SMOC1: variants seen among roughly 807,000 people sequenced by gnomAD.
SMOC1 encodes SPARC related modular calcium binding 1, also known as SPARC-related modular calcium-binding protein 1.
In SMOC1, 22 loss-of-function variants were observed where a neutral mutation model predicts 56.3. The observed-to-expected ratio is 0.39, with a 90% CI of 0.28 to 0.56. SMOC1 has a LOEUF of 0.56. Ranked by LOEUF, SMOC1 falls within the 20% of genes least tolerant of loss-of-function variation. The pLI, the probability that SMOC1 is intolerant of heterozygous loss-of-function variation, is 0.61. For synonymous variants in SMOC1, 193 were observed against 215.0 expected (o/e 0.90, Z 0.89); for missense variants, 509 against 565.4 (o/e 0.90, Z 1.01).
At chr14:70,008,677 C>T (rs1393139811) in intron 7 of SMOC1, among the ~76,000 whole-genome samples, 4 of 152,194 alleles carry the variant, frequency 2.6e-5, no homozygotes, top group African/African-American at 7.2e-5. Context: ...CTCTTGCTTT[C>T]GGTCTGATTT....
intron 1 of SMOC1, among the ~76,000 whole-genome samples, chr14:69,929,704 T>C (rs573334324): frequency 5.9e-5 from 9 of 152,106 alleles, no homozygotes; most frequent in Non-Finnish European, 7.4e-5. Flanking sequence ...AAGGGAGGGA[T>C]ATGATCTCCC....
chr14:70,011,466 C>CCT lies in SMOC1; in HGVS notation c.858-19_858-18insCT. On this transcript the variant is annotated intron_variant, in intron 8 of 11. Coordinates refer to ENST00000361956, the MANE Select transcript of SMOC1 (RefSeq NM_001034852.3). ...GTTGCCAGCCCCTCCCAACCCCCCC[C>CCT]ATATCTCTCTTTTCCCAGCTACGTG... 2 of 1,561,722 alleles carry CCT rather than the reference C, an allele frequency of 1.3e-6. No homozygotes were observed. The highest frequency in any genetic ancestry group is 8.8e-7 in the Non-Finnish European group (1 of 1,133,454).
rs914826146 is a variant in SMOC1, at chr14:70,021,772, G to A, written c.1047-1431G>A. 6.6e-5 allele frequency among the ~76,000 whole-genome samples: 10 copies of A among 152,320 alleles called. No homozygotes were observed. In the South Asian group the frequency reaches 2.1e-3, roughly 32 times the overall value. On this transcript the variant is annotated intron_variant, in intron 10 of 11. Transcript: ENST00000361956. ...AACTTGGACGTTACTTGGTGGGGTGGAAGAGGAGGGAGTTTGCTGGCTTGT... is the reference window on the plus strand; with the variant it reads ...AACTTGGACGTTACTTGGTGGGGTGAAAGAGGAGGGAGTTTGCTGGCTTGT...
chr14:69,961,027 C>G (rs1490880476), intron 3 of SMOC1, among the ~76,000 whole-genome samples: 1 of 151,930 alleles, frequency 6.6e-6, no homozygotes, highest in Non-Finnish European at 1.5e-5. Context: ...TTTTGTCACC[C>G]GAGAAGAAAT....
At chr14:70,023,707 C>G (rs1885820313) in intron 11 of SMOC1, among the ~76,000 whole-genome samples, 3 of 152,130 alleles carry the variant, frequency 2.0e-5, no homozygotes, top group African/African-American at 7.2e-5. Flanking sequence ...CTAGGGTGGG[C>G]CAGGCTACAG....
chr14:69,965,296 G>A (rs1033054761), intron 3 of SMOC1, among the ~76,000 whole-genome samples: 3 of 151,830 alleles, frequency 2.0e-5, no homozygotes, highest in African/African-American at 7.3e-5. Flanking sequence ...CAGGAGAATC[G>A]CTTGAACCCG....
chr14:69,883,145 A>T (rs567288596), intron 1 of SMOC1, among the ~76,000 whole-genome samples: 2 of 152,368 alleles, frequency 1.3e-5, no homozygotes, highest in East Asian at 1.9e-4. Context: ...TGGTGAGAGC[A>T]CTTAACATCC....
chr14:69,905,153 G>T lies in SMOC1; in HGVS notation c.99+25376G>T, dbSNP rs562685515. Among the ~76,000 whole-genome samples the T allele has an allele frequency of 2.0e-5, 3 of 152,250 alleles. No homozygotes were observed. In the South Asian group the frequency reaches 6.2e-4, roughly 32 times the overall value. On this transcript the variant is annotated intron_variant, in intron 1 of 11. Coordinates refer to ENST00000361956, the MANE Select transcript of SMOC1 (RefSeq NM_001034852.3). ...ATGTGTAAGAACAATATGATGATGG[G>T]AAGAGGTGCTATGGCAACACATAGG...
intron 7 of SMOC1, among the ~76,000 whole-genome samples, chr14:69,994,915 G>A (rs1364007878): frequency 1.3e-5 from 2 of 152,110 alleles, no homozygotes; most frequent in Non-Finnish European, 2.9e-5. Flanking sequence ...GGTCAAGTTT[G>A]AGCACTGGCT....
chr14:69,921,164 G>A (rs889696422), intron 1 of SMOC1, among the ~76,000 whole-genome samples: 1 of 152,096 alleles, frequency 6.6e-6, no homozygotes, highest in Non-Finnish European at 1.5e-5. Context: ...GCATCGCCTC[G>A]GCTGTGACTC....
chr14:69,899,948 A>G (rs988950619), intron 1 of SMOC1, among the ~76,000 whole-genome samples: 1 of 152,198 alleles, frequency 6.6e-6, no homozygotes, highest in African/African-American at 2.4e-5. Flanking sequence ...GTGGTTTGCC[A>G]TGTGAAATGA....
intron 1 of SMOC1, among the ~76,000 whole-genome samples, chr14:69,916,074 CT>C (rs1884678904): frequency 6.6e-6 from 1 of 152,224 alleles, no homozygotes; most frequent in Non-Finnish European, 1.5e-5. Context: ...ATGTGGGCGT[CT>C]GATAGGCATC....
chr14:69,914,751 TTTGTTCTTAC>T (rs1225644066), intron 1 of SMOC1, among the ~76,000 whole-genome samples: 1 of 152,214 alleles, frequency 6.6e-6, no homozygotes, highest in Non-Finnish European at 1.5e-5. Context: ...TCACTAGAAA[TTTGTTCTTAC>T]TTATCCCAAG....
chr14:69,880,580 C>G (rs369154946), intron 1 of SMOC1, among the ~76,000 whole-genome samples: 1 of 152,174 alleles, frequency 6.6e-6, no homozygotes, highest in Non-Finnish European at 1.5e-5. Context: ...CGCAACACCC[C>G]CCACCAATTG....
At position 70,006,866 on chromosome 14, in the gene SMOC1, G is replaced by A. The variant is rs376739706; in HGVS notation, c.665-3888G>A. On this transcript the variant is annotated intron_variant, in intron 7 of 11. Coordinates refer to ENST00000361956, the MANE Select transcript of SMOC1 (RefSeq NM_001034852.3). ...ACCAGCTTCCTTGTGATGATCTTAG[G>A]GCAGCTTCCACAAAAGTGAAAGCGA... Among the ~76,000 whole-genome samples the A allele has an allele frequency of 1.2e-3, 176 of 152,192 alleles. 5 individuals carry two copies. The South Asian group carries it at 0.035, about 31-fold the overall frequency.
chr14:69,915,930 C>T (rs995649195), intron 1 of SMOC1, among the ~76,000 whole-genome samples: 1 of 152,212 alleles, frequency 6.6e-6, no homozygotes, highest in Non-Finnish European at 1.5e-5. Flanking sequence ...GGAACACTCC[C>T]TATTCTCATT....
At chr14:69,910,852 G>T (rs1452456834) in intron 1 of SMOC1, among the ~76,000 whole-genome samples, 3 of 152,134 alleles carry the variant, frequency 2.0e-5, no homozygotes, top group Admixed American at 6.5e-5. Flanking sequence ...GGCCATCAAG[G>T]ATAGCTGTTT....
intron 1 of SMOC1, among the ~76,000 whole-genome samples, chr14:69,915,513 T>C (rs1884663902): frequency 6.6e-6 from 1 of 152,212 alleles, no homozygotes; most frequent in African/African-American, 2.4e-5. Flanking sequence ...ATTTCTACCT[T>C]GTCACCTTTT....
intron 3 of SMOC1, among the ~76,000 whole-genome samples, chr14:69,968,193 G>A (rs1384313961): frequency 6.6e-6 from 1 of 152,226 alleles, no homozygotes; most frequent in Non-Finnish European, 1.5e-5. Flanking sequence ...CAGAAAGAGG[G>A]TGGGATGCTC....
Sources: allele counts gnomAD v4.1 joint callset (sites outside exome capture counted in the v4.1 genomes callset), GRCh38; gene constraint gnomAD v4.1.1; transcripts MANE v1.5; gene names NCBI Gene and HGNC (gene_info 2026-07-23, HGNC 2026-07-21).